Variants in BTBD9 observed in about 807,000 individuals in gnomAD.
BTBD9 encodes BTB/POZ domain-containing protein 9.
In BTBD9, 49 loss-of-function variants were observed where a neutral mutation model predicts 64.3. The ratio of observed to expected loss-of-function variants is 0.76; its 90% CI spans 0.61 to 0.97. The LOEUF (loss-of-function observed/expected upper bound fraction) is 0.97. Among genes scored for constraint, BTBD9 ranks in the 50% least tolerant of loss-of-function variants. The pLI, the probability that BTBD9 is intolerant of heterozygous loss-of-function variation, is 0.00. For synonymous variants in BTBD9, 260 were observed against 274.7 expected, an observed-to-expected ratio of 0.95 and a Z score of 0.53; for missense variants, 598 against 762.1, an observed-to-expected ratio of 0.78 and a Z score of 2.53.
At chr6:38,196,131 G>T (rs928622569) in intron 9 of BTBD9, among the ~76,000 whole-genome samples, 1 of 152,218 alleles carries the variant, frequency 6.6e-6, no homozygotes, top group Non-Finnish European at 1.5e-5. Context: ...GGTCTTTCGG[G>T]ACTAGGGGCA....
chr6:38,489,494 A>G (rs1232631356), intron 6 of BTBD9, among the ~76,000 whole-genome samples: 2 of 152,122 alleles, frequency 1.3e-5, no homozygotes, highest in Non-Finnish European at 2.9e-5. Context: ...TAAGTAAATA[A>G]TTACAGTATT....
intron 7 of BTBD9, among the ~76,000 whole-genome samples, chr6:38,325,298 A>G (rs184362399): frequency 6.6e-6 from 1 of 152,346 alleles, no homozygotes; most frequent in East Asian, 1.9e-4. Flanking sequence ...TCAAAGAAGA[A>G]AAAATATGAA....
chr6:38,596,726 G>A (rs553863312), intron 2 of BTBD9, among the ~76,000 whole-genome samples: 5 of 151,786 alleles, frequency 3.3e-5, no homozygotes, highest in Non-Finnish European at 2.9e-5. Flanking sequence ...GCGTGAACCC[G>A]GGAGGCGGAG....
chr6:38,590,254 A>G (rs987889399), intron 4 of BTBD9, among the ~76,000 whole-genome samples: 2 of 151,438 alleles, frequency 1.3e-5, no homozygotes, highest in East Asian at 1.9e-4. Context: ...ATATACACAG[A>G]AAAAAAAACA....
chr6:38,222,285 C>G, intron 9 of BTBD9, among the ~76,000 whole-genome samples: 1 of 74,120 alleles, frequency 1.3e-5, no homozygotes, highest in African/African-American at 4.9e-5. Context: ...TTTTTTGAGA[C>G]AGTCTTGCTC....
At chr6:38,470,624 A>T (rs1401608068) in intron 6 of BTBD9, among the ~76,000 whole-genome samples, 1 of 152,238 alleles carries the variant, frequency 6.6e-6, no homozygotes, top group Non-Finnish European at 1.5e-5. Context: ...TTTAATGTGA[A>T]CATTTTTGAA....
intron 1 of BTBD9, among the ~76,000 whole-genome samples, chr6:38,633,847 T>C (rs181252507): frequency 1.8e-3 from 271 of 152,280 alleles, no homozygotes; most frequent in Middle Eastern, 6.8e-3. Context: ...ATACTCGTCA[T>C]GGCCCCTTGA....
At chr6:38,200,941 G>C (rs543588193) in intron 9 of BTBD9, among the ~76,000 whole-genome samples, 38 of 152,088 alleles carry the variant, frequency 2.5e-4, no homozygotes, top group Non-Finnish European at 5.0e-4. Context: ...AACTGCTTGA[G>C]TCTGGGAGTT....
intron 7 of BTBD9, among the ~76,000 whole-genome samples, chr6:38,335,206 A>G (rs1044990331): frequency 6.6e-6 from 1 of 151,472 alleles, no homozygotes; most frequent in African/African-American, 2.4e-5. Flanking sequence ...TTTTTTCTTT[A>G]TAAATTATCT....
intron 9 of BTBD9, among the ~76,000 whole-genome samples, chr6:38,212,388 A>T (rs928743905): frequency 5.3e-5 from 8 of 152,138 alleles, no homozygotes; most frequent in African/African-American, 1.9e-4. Flanking sequence ...GCGCTGGGGG[A>T]CAGGAAGGTT....
chr6:38,332,507 C>T (rs895734087), intron 7 of BTBD9, among the ~76,000 whole-genome samples: 1 of 152,152 alleles, frequency 6.6e-6, no homozygotes, highest in Admixed American at 6.5e-5. Context: ...TATTTATCTA[C>T]CAGTTTGTTC....
intron 7 of BTBD9, among the ~76,000 whole-genome samples, chr6:38,339,187 TG>T (rs1414341882): frequency 6.6e-6 from 1 of 152,168 alleles, no homozygotes; most frequent in Non-Finnish European, 1.5e-5. Context: ...TTTGTAGTAG[TG>T]GAAGATTGAA....
intron 6 of BTBD9, among the ~76,000 whole-genome samples, chr6:38,351,509 T>TTTG (rs1554141386): frequency 1.5e-5 from 2 of 137,438 alleles, no homozygotes; most frequent in Non-Finnish European, 3.1e-5. Flanking sequence ...TTGTTGTTGT[T>TTTG]TTTTTTTTTT....
chr6:38,390,367 G>A (rs901936824), intron 6 of BTBD9, among the ~76,000 whole-genome samples: 2 of 152,154 alleles, frequency 1.3e-5, no homozygotes, highest in South Asian at 2.1e-4. Flanking sequence ...TTATAGGCAT[G>A]AGCTACCTCA....
chr6:38,370,990 C>T (rs918613742), intron 6 of BTBD9, among the ~76,000 whole-genome samples: 3 of 152,296 alleles, frequency 2.0e-5, no homozygotes, highest in Admixed American at 6.5e-5. Flanking sequence ...AAGGACCTTG[C>T]TCCTGGCATG....
chr6:38,202,891 A>T (rs1387644372), intron 9 of BTBD9, among the ~76,000 whole-genome samples: 1 of 152,214 alleles, frequency 6.6e-6, no homozygotes, highest in African/African-American at 2.4e-5. Context: ...CAGCAAAGTA[A>T]ATAATCAATA....
chr6:38,483,863 A>T (rs1265305305), intron 6 of BTBD9, among the ~76,000 whole-genome samples: 1 of 152,204 alleles, frequency 6.6e-6, no homozygotes, highest in African/African-American at 2.4e-5. Flanking sequence ...GTTCTGCTCA[A>T]GTGCTCCTTC....
chr6:38,193,020 C>T (rs1001282225), intron 9 of BTBD9, among the ~76,000 whole-genome samples: 2 of 151,262 alleles, frequency 1.3e-5, no homozygotes, highest in Admixed American at 6.6e-5. Context: ...CAGGCCTGCA[C>T]GTTGTGCACA....
chr6:38,223,638 G>C (rs1453730372), intron 9 of BTBD9, among the ~76,000 whole-genome samples: 1 of 152,094 alleles, frequency 6.6e-6, no homozygotes, highest in African/African-American at 2.4e-5. Context: ...CACTCAGCCA[G>C]AGTTCTGAAT....
Sources: gnomAD v4.1 joint callset for allele counts (sites outside exome capture counted in the v4.1 genomes callset) on GRCh38, gnomAD v4.1.1 for gene constraint, MANE v1.5 for transcripts, NCBI Gene and HGNC (gene_info 2026-07-23, HGNC 2026-07-21) for gene names.